RBFOX1: variants seen among roughly 807,000 people sequenced by gnomAD.
RBFOX1 encodes RNA binding fox-1 homolog 1.
In RBFOX1, 8 loss-of-function variants were observed where a neutral mutation model predicts 57.7. That is an observed-to-expected ratio of 0.14 (90% CI 0.08 to 0.25). The LOEUF (loss-of-function observed/expected upper bound fraction) is 0.25. Among genes scored for constraint, RBFOX1 ranks in the 10% least tolerant of loss-of-function variants. RBFOX1 has a pLI of 1.00. For missense variants in RBFOX1, 611 were observed against 548.5 expected, an observed-to-expected ratio of 1.11 and a Z score of -1.14; for synonymous variants, 326 against 222.4, an observed-to-expected ratio of 1.47 and a Z score of -4.15.
intron 3 of RBFOX1, among the ~76,000 whole-genome samples, chr16:6,919,530 G>C (rs1259611685): frequency 6.6e-6 from 1 of 151,886 alleles, no homozygotes. Context: ...AATCCCAAGA[G>C]AGATCCAGAA....
chr16:5,307,404 T>C (rs2063966456), intron 1 of RBFOX1, among the ~76,000 whole-genome samples: 1 of 152,058 alleles, frequency 6.6e-6, no homozygotes, highest in African/African-American at 2.4e-5. Context: ...TTAAAAATAA[T>C]CACAAAGGAA....
chr16:6,771,547 C>G (rs1055095750), intron 3 of RBFOX1, among the ~76,000 whole-genome samples: 2 of 152,188 alleles, frequency 1.3e-5, no homozygotes, highest in Non-Finnish European at 2.9e-5. Context: ...CTGCTCAAGT[C>G]TACCTTGGTG....
intron 4 of RBFOX1, among the ~76,000 whole-genome samples, chr16:7,446,925 G>T (rs921387155): frequency 7.1e-6 from 1 of 140,296 alleles, no homozygotes; most frequent in Non-Finnish European, 1.5e-5. Context: ...GCATTCTCCT[G>T]TCTCAGCCTC....
intron 2 of RBFOX1, among the ~76,000 whole-genome samples, chr16:6,353,997 A>G (rs1456724128): frequency 1.3e-5 from 2 of 152,126 alleles, no homozygotes; most frequent in Admixed American, 6.5e-5. Flanking sequence ...AGGCCGGTGG[A>G]TCACCTGAGG....
intron 4 of RBFOX1, among the ~76,000 whole-genome samples, chr16:6,012,371 G>A (rs188849233): frequency 3.3e-5 from 5 of 152,252 alleles, no homozygotes; most frequent in Admixed American, 2.0e-4. Flanking sequence ...CACCACTATC[G>A]CCATGTTGGT....
rs895561039 is a variant in RBFOX1 at position 5,956,281 on chromosome 16, A to G, written c.351+88946A>G. 9.9e-5 allele frequency among the ~76,000 whole-genome samples: 15 copies of G among 152,250 alleles called. No homozygotes were observed. In the South Asian group the frequency reaches 1.2e-3, roughly 13 times the overall value. ...ATGGAGTGAAACTGTTTCAAAATGAACAAACAAACAAACTAAATATGTATT... is the reference window on the plus strand; with the variant it reads ...ATGGAGTGAAACTGTTTCAAAATGAGCAAACAAACAAACTAAATATGTATT... On this transcript the variant is annotated intron_variant, in intron 4 of 19. Transcript: ENST00000641259.
intron 3 of RBFOX1, among the ~76,000 whole-genome samples, chr16:5,827,962 C>T (rs2056131353): frequency 6.9e-6 from 1 of 145,174 alleles, no homozygotes. Flanking sequence ...CCCACCTATC[C>T]ATGCATCCAT....
At chr16:6,871,748 T>C (rs534205694) in intron 3 of RBFOX1, among the ~76,000 whole-genome samples, 8 of 152,260 alleles carry the variant, frequency 5.3e-5, no homozygotes, top group African/African-American at 1.7e-4. Flanking sequence ...ATCGCCATCA[T>C]TCTTGCTGAA....
intron 2 of RBFOX1, among the ~76,000 whole-genome samples, chr16:6,438,924 T>C (rs995781505): frequency 4.6e-5 from 7 of 152,212 alleles, no homozygotes; most frequent in Non-Finnish European, 7.3e-5. Flanking sequence ...ACTCATAATA[T>C]GGACAGTTGA....
At chr16:5,492,682 G>C (rs1424312209) in intron 2 of RBFOX1, among the ~76,000 whole-genome samples, 1 of 151,976 alleles carries the variant, frequency 6.6e-6, no homozygotes, top group Non-Finnish European at 1.5e-5. Context: ...CTTGTCTTCA[G>C]CTTTCCAAAG....
chr16:5,433,392 G>C (rs183414530), intron 1 of RBFOX1, among the ~76,000 whole-genome samples: 25 of 152,228 alleles, frequency 1.6e-4, no homozygotes, highest in Non-Finnish European at 3.2e-4. Flanking sequence ...AGCCACATGC[G>C]TGCTGCACTT....
intron 6 of RBFOX1, among the ~76,000 whole-genome samples, chr16:7,583,143 C>A (rs2093903164): frequency 1.6e-5 from 2 of 127,752 alleles, no homozygotes; most frequent in African/African-American, 5.8e-5. Context: ...AATCTTCTAG[C>A]TCATCTTTTT....
chr16:6,553,738 C>T (rs768533784), intron 2 of RBFOX1, among the ~76,000 whole-genome samples: 2 of 152,138 alleles, frequency 1.3e-5, no homozygotes, highest in Admixed American at 1.3e-4. Flanking sequence ...AGAAGGACAG[C>T]AAAAGGTGAT....
At chr16:7,672,250 C>T (rs145976787) in intron 13 of RBFOX1, among the ~76,000 whole-genome samples, 40 of 152,312 alleles carry the variant, frequency 2.6e-4, no homozygotes, top group Non-Finnish European at 4.9e-4. Context: ...TGGAATGTGG[C>T]TGGCCTAGAG....
At chr16:6,594,229 G>A (rs2097754880) in intron 2 of RBFOX1, among the ~76,000 whole-genome samples, 1 of 152,142 alleles carries the variant, frequency 6.6e-6, no homozygotes, top group Non-Finnish European at 1.5e-5. Context: ...AATGCTGAAT[G>A]TTGGTGACTG....
intron 3 of RBFOX1, among the ~76,000 whole-genome samples, chr16:6,767,464 A>C (rs1169213340): frequency 6.6e-6 from 1 of 152,190 alleles, no homozygotes; most frequent in Non-Finnish European, 1.5e-5. Flanking sequence ...TTTTTCACTT[A>C]TGTGAACGAA....
intron 4 of RBFOX1, among the ~76,000 whole-genome samples, chr16:5,925,644 A>T (rs1048741714): frequency 6.6e-6 from 1 of 152,094 alleles, no homozygotes; most frequent in Non-Finnish European, 1.5e-5. Context: ...AGTGAATTTT[A>T]TGTTATGTGT....
intron 4 of RBFOX1, among the ~76,000 whole-genome samples, chr16:7,146,173 C>T (rs989899090): frequency 1.3e-5 from 2 of 152,040 alleles, no homozygotes; most frequent in East Asian, 1.9e-4. Context: ...AGAGCATGAA[C>T]TGTTTGGTCC....
intron 4 of RBFOX1, among the ~76,000 whole-genome samples, chr16:7,128,644 T>G (rs1336979560): frequency 6.6e-6 from 1 of 152,080 alleles, no homozygotes; most frequent in African/African-American, 2.4e-5. Flanking sequence ...ATTTCTACCC[T>G]ATTGTTACCA....
Sources: allele counts gnomAD v4.1 joint callset (sites outside exome capture counted in the v4.1 genomes callset), GRCh38; gene constraint gnomAD v4.1.1; transcripts MANE v1.5; gene names NCBI Gene and HGNC (gene_info 2026-07-23, HGNC 2026-07-21).